Variants in FUT9 observed in about 807,000 individuals in gnomAD.
FUT9 encodes 4-galactosyl-N-acetylglucosaminide 3-alpha-L-fucosyltransferase 9.
Under a neutral mutation model 29.7 loss-of-function variants are expected in FUT9, and 15 were observed. The observed-to-expected ratio is 0.51, with a 90% CI of 0.34 to 0.78. FUT9 has a LOEUF of 0.78. Among genes scored for constraint, FUT9 ranks in the 30% least tolerant of loss-of-function variants. The probability of loss-of-function intolerance (pLI) is 0.01; values close to 1 mark genes in which losing one functional copy is unlikely to be tolerated. For missense variants in FUT9, 319 were observed against 425.4 expected, an observed-to-expected ratio of 0.75 and a Z score of 2.20; for synonymous variants, 169 against 153.7, an observed-to-expected ratio of 1.10 and a Z score of -0.74.
At chr6:96,034,926 G>A (rs1450818001) in intron 1 of FUT9, among the ~76,000 whole-genome samples, 1 of 151,684 alleles carries the variant, frequency 6.6e-6, no homozygotes, top group East Asian at 1.9e-4. Flanking sequence ...TGAGAATAGT[G>A]GTTTGGGAAC....
At chr6:96,028,707 G>T (rs1770209372) in intron 1 of FUT9, among the ~76,000 whole-genome samples, 1 of 151,424 alleles carries the variant, frequency 6.6e-6, no homozygotes, top group African/African-American at 2.4e-5. Context: ...GTGACAATTG[G>T]ATAATCCAAT....
rs532175018 is a variant in FUT9, at chr6:96,109,591, A to T, written c.-97-4448A>T. 3.3e-5 allele frequency among the ~76,000 whole-genome samples: 5 copies of T among 152,312 alleles called. No homozygotes were observed. The South Asian group carries it at 6.2e-4, about 19-fold the overall frequency. Reference sequence around the variant, plus strand: ...TGAAATGACCATACTAATGAATTGGATTTAATACTTTATTCAAATATATCA... The same window carrying T: ...TGAAATGACCATACTAATGAATTGGTTTTAATACTTTATTCAAATATATCA... On this transcript the variant is annotated intron_variant, in intron 1 of 2. Transcript: ENST00000302103.
intron 2 of FUT9, among the ~76,000 whole-genome samples, chr6:96,153,560 A>G (rs12194859): frequency 0.17 from 26,433 of 152,158 alleles, 2,659 homozygotes; most frequent in East Asian, 0.24. Flanking sequence ...TTTTGGTTAG[A>G]AAATACAAAT....
At chr6:96,031,461 G>A (rs1039423547) in intron 1 of FUT9, among the ~76,000 whole-genome samples, 1 of 151,410 alleles carries the variant, frequency 6.6e-6, no homozygotes, top group Non-Finnish European at 1.5e-5. Flanking sequence ...AGTCAGACTA[G>A]TAAACATATA....
At position 96,212,528 on chromosome 6, in the gene FUT9, TAGAA is replaced by T. The variant is rs1773957802; in HGVS notation, c.*8294_*8297del. 2.5e-6 allele frequency: 1 copy of T among 405,740 alleles called. No individual in the cohort carries two copies. The highest frequency in any genetic ancestry group is 1.4e-4 in the South Asian group (1 of 6,954). 25.1% of individuals were successfully genotyped at this position (405,740 alleles called of 1,614,324 possible). On this transcript the variant is annotated 3_prime_UTR_variant, in exon 3 of 3. Transcript: ENST00000302103. Reference sequence around the variant, plus strand: ...TCATATTTGAGAACAAGATTTTACTTAGAAGGGAAAAAAAAGAACTTTCAGCTTA... The same window carrying T: ...TCATATTTGAGAACAAGATTTTACTTGGGAAAAAAAAGAACTTTCAGCTTA...
At chr6:96,094,629 G>A (rs540628909) in intron 1 of FUT9, among the ~76,000 whole-genome samples, 27 of 152,164 alleles carry the variant, frequency 1.8e-4, no homozygotes, top group Non-Finnish European at 1.0e-4. Context: ...ATCTCTCATG[G>A]ATAAGTAGAA....
At chr6:96,100,427 G>A (rs9499126) in intron 1 of FUT9, among the ~76,000 whole-genome samples, 3,290 of 152,176 alleles carry the variant, frequency 0.022, 103 homozygotes, top group African/African-American at 0.074. Flanking sequence ...ATACTTTGAT[G>A]TCAATATGAA....
chr6:96,063,707 G>A (rs1334075389), intron 1 of FUT9, among the ~76,000 whole-genome samples: 1 of 152,094 alleles, frequency 6.6e-6, no homozygotes, highest in Non-Finnish European at 1.5e-5. Context: ...GGTCATGGAT[G>A]GATAAAGTTA....
intron 2 of FUT9, among the ~76,000 whole-genome samples, chr6:96,151,985 A>G (rs1283274741): frequency 6.6e-6 from 1 of 152,226 alleles, no homozygotes; most frequent in Non-Finnish European, 1.5e-5. Flanking sequence ...ATGGGATCAG[A>G]GGATGCATCT....
At chr6:96,105,187 G>C (rs969893538) in intron 1 of FUT9, among the ~76,000 whole-genome samples, 1 of 152,202 alleles carries the variant, frequency 6.6e-6, no homozygotes, top group African/African-American at 2.4e-5. Context: ...TGTATGCAGT[G>C]AGTCAGAGTA....
At chr6:96,176,062 A>T (rs189753027) in intron 2 of FUT9, among the ~76,000 whole-genome samples, 1 of 152,348 alleles carries the variant, frequency 6.6e-6, no homozygotes, top group African/African-American at 2.4e-5. Flanking sequence ...TTTGGACATC[A>T]GAACTCCAGG....
rs1774012171 is a variant in FUT9 at position 96,215,065 on chromosome 6, A to G, written c.*10830A>G. 6.0e-6 allele frequency: 1 copy of G among 167,026 alleles called. No homozygotes were observed. Among genetic ancestry groups the G allele is most frequent in the Non-Finnish European group, 1.5e-5 (1 of 68,094 alleles). The allele number at this position is 167,026 out of a possible 1,614,324, so 10.3% of individuals were successfully genotyped here. ...TGTATGTGTGTGACATTCAGCTAAC[A>G]TTGATCTAGGCACTTAGTTTGCTAC... is the stretch of plus-strand genomic sequence containing the variant. On this transcript the variant is annotated 3_prime_UTR_variant, in exon 3 of 3. Coordinates refer to ENST00000302103, the MANE Select transcript of FUT9 (RefSeq NM_006581.4).
intron 2 of FUT9, among the ~76,000 whole-genome samples, chr6:96,184,988 C>G (rs984718142): frequency 6.6e-6 from 1 of 151,726 alleles, no homozygotes; most frequent in East Asian, 1.9e-4. Flanking sequence ...TTTAAGCAAA[C>G]GTTCTTAGTC....
chr6:96,143,132 G>A (rs1302657662), intron 2 of FUT9, among the ~76,000 whole-genome samples: 4 of 152,120 alleles, frequency 2.6e-5, no homozygotes, highest in African/African-American at 9.7e-5. Flanking sequence ...ATACAATTAG[G>A]TAGAAGAGGT....
At chr6:96,172,471 T>G (rs1773130551) in intron 2 of FUT9, among the ~76,000 whole-genome samples, 1 of 152,192 alleles carries the variant, frequency 6.6e-6, no homozygotes, top group African/African-American at 2.4e-5. Context: ...TGTTACATCT[T>G]TTTGGAAATC....
At chr6:96,176,365 T>C (rs1375065949) in intron 2 of FUT9, among the ~76,000 whole-genome samples, 1 of 151,558 alleles carries the variant, frequency 6.6e-6, no homozygotes, top group African/African-American at 2.4e-5. Context: ...ATATAATATA[T>C]GTTATATTTA....
rs1003766296 is a variant in FUT9, at chr6:96,208,954, T to C, written c.*4719T>C. Reference sequence around the variant, plus strand: ...GATTTTGTAGCATTTTGCAAATGGGTATGCTTCACTACTATCCACAGTGTT... The same window carrying C: ...GATTTTGTAGCATTTTGCAAATGGGCATGCTTCACTACTATCCACAGTGTT... On this transcript the variant is annotated 3_prime_UTR_variant, in exon 3 of 3. Transcript: ENST00000302103. 1 of 166,652 alleles carries C rather than the reference T, an allele frequency of 6.0e-6. No homozygotes were observed. The highest frequency in any genetic ancestry group is 2.4e-5 in the African/African-American group (1 of 41,352). The allele number at this position is 166,652 out of a possible 1,614,324, so 10.3% of individuals were successfully genotyped here.
In FUT9 at chr6:96,211,924, GT is replaced by G. The variant is rs1773944231; in HGVS notation, c.*7690del. On this transcript the variant is annotated 3_prime_UTR_variant, in exon 3 of 3. Transcript: ENST00000302103. ...AACCAAACAATTTTGAATTAGTTGT[GT>G]AAGTAAAGTAAGTTAAGTTATAGCT... The G allele has an allele frequency of 2.5e-6, 1 of 406,934 alleles. No homozygotes were observed. The highest frequency in any genetic ancestry group is 4.5e-6 in the Non-Finnish European group (1 of 222,344). The allele number at this position is 406,934 out of a possible 1,614,324, so 25.2% of individuals were successfully genotyped here. A position where few individuals can be genotyped will look rare whatever the true frequency, so the allele number is the denominator to read the frequency against.
chr6:96,188,903 G>C (rs1438203254), intron 2 of FUT9, among the ~76,000 whole-genome samples: 2 of 151,934 alleles, frequency 1.3e-5, no homozygotes, highest in Non-Finnish European at 2.9e-5. Flanking sequence ...AGGCACTAGG[G>C]ACTGGAATCT....
Sources: gnomAD v4.1 joint callset for allele counts (sites outside exome capture counted in the v4.1 genomes callset) on GRCh38, gnomAD v4.1.1 for gene constraint, MANE v1.5 for transcripts, NCBI Gene and HGNC (gene_info 2026-07-23, HGNC 2026-07-21) for gene names.